Variants in MS4A15 observed in about 807,000 individuals in gnomAD.
MS4A15 encodes the protein membrane-spanning 4-domains subfamily A member 15.
MS4A15 carries 22 observed loss-of-function variants against 20.6 expected under a neutral mutation model. That is an observed-to-expected ratio of 1.07 (90% CI 0.76 to 1.52). MS4A15 has a LOEUF of 1.52. Ranked by LOEUF, MS4A15 falls within the 40% of genes most tolerant of loss-of-function variation. MS4A15 has a pLI of 0.00. For synonymous variants in MS4A15, 129 were observed against 129.3 expected (o/e 1.00, Z 0.02); for missense variants, 312 against 323.0 (o/e 0.97, Z 0.26).
At chr11:60,775,398 G>T (rs1854165495) in intron 6 of MS4A15, among the ~76,000 whole-genome samples, 2 of 152,144 alleles carry the variant, frequency 1.3e-5, no homozygotes, top group Admixed American at 1.3e-4. Context: ...TTTGTTCACT[G>T]CTGTACTCCC....
At position 60,767,550 on chromosome 11, in the gene MS4A15, C is replaced by T. The variant is rs990220278; in HGVS notation, c.243C>T (p.Ile81=). 3.2e-6 allele frequency: 5 copies of T among 1,547,260 alleles called. No individual in the cohort carries two copies. Among genetic ancestry groups the T allele is most frequent in the East Asian group, 2.4e-5 (1 of 40,824 alleles). ...PKVLGTVQIL[I]GLIHLGFGSV... is the part of the protein sequence containing the mutation. ...TCCCGCAGACGGTGCAGATCCTCAT[C>T]GGCCTCATCCACCTAGGCTTTGGCA... is the stretch of plus-strand genomic sequence containing the variant. Residue 81 remains isoleucine, a synonymous_variant, in exon 3 of 7, where the codon ATC becomes ATT. Transcript: ENST00000405633.
chr11:60,757,129 T>C (rs1853617405), intron 1 of MS4A15, 71 bp downstream of exon 1: 1 of 152,246 alleles, frequency 6.6e-6, no homozygotes, highest in Admixed American at 6.5e-5. Flanking sequence ...TGGATTATCA[T>C]GGGTCAAGAA....
rs923558625 is a variant in MS4A15 at position 60,767,579 on chromosome 11, T to A, written c.272T>A (p.Val91Glu). 6.4e-6 allele frequency: 10 copies of A among 1,555,320 alleles called. No homozygotes were observed. The African/African-American group carries it at 1.4e-4, about 21-fold the overall frequency. The change falls in exon 3 of 7, where the codon GTG (valine) becomes GAG (glutamate). Residue 91 changes from valine to glutamate, a missense_variant. By Grantham distance (121) the Val-to-Glu change is moderately radical. Transcript: ENST00000405633. Reference protein sequence around the residue: ...IGLIHLGFGSVLLMVRRGHVG... With the variant: ...IGLIHLGFGSELLMVRRGHVG... ...CTCATCCACCTAGGCTTTGGCAGCG[T>A]GCTGCTCATGGTTCGCCGCGGCCAC...
Position 60,775,708 on chromosome 11 carries a change from T to A in MS4A15, c.716T>A (p.Val239Asp), listed in dbSNP as rs547889273. The change falls in exon 7 of 7, where the codon GTC becomes GAC. Residue 239 changes from valine (V) to aspartate (D), a missense_variant. Transcript: ENST00000405633. ...GACAATGTGGCATATGCCCAAGGAG[T>A]CGTCTGAGTAGCAGATGTGGCACCT... ...AYDNVAYAQG[V>D]V The A allele has an allele frequency of 3.7e-6, 6 of 1,612,084 alleles. No individual in the cohort carries two copies. Among genetic ancestry groups the A allele is most frequent in the Admixed American group, 3.3e-5 (2 of 59,930 alleles).
At chr11:60,758,961 C>G (rs930269630) in intron 1 of MS4A15, among the ~76,000 whole-genome samples, 1 of 152,254 alleles carries the variant, frequency 6.6e-6, no homozygotes, top group Non-Finnish European at 1.5e-5. Flanking sequence ...ACAAACTTTT[C>G]CTCACCAAGA....
intron 1 of MS4A15, among the ~76,000 whole-genome samples, chr11:60,761,624 G>C (rs2134702412): frequency 6.6e-6 from 1 of 152,278 alleles, no homozygotes; most frequent in African/African-American, 2.4e-5. Flanking sequence ...CAGGCTTTCA[G>C]GACCAATATT....
At chr11:60,765,188 A>G (rs1252537301) in intron 2 of MS4A15, among the ~76,000 whole-genome samples, 1 of 152,156 alleles carries the variant, frequency 6.6e-6, no homozygotes, top group Non-Finnish European at 1.5e-5. Flanking sequence ...GCTGTTTGTC[A>G]TTAGCTGAAA....
In MS4A15 at chr11:60,773,779, G is replaced by A. The variant is rs139798953; in HGVS notation, c.499-58G>A. ...GACCTTGGGCAAGTGGTTCTCACTC[G>A]GGGGACCCCCTTACTCTAGAACTCT... On this transcript the variant is annotated intron_variant, in intron 5 of 6. Transcript: ENST00000405633. 1.2e-3 allele frequency: 1,819 copies of A among 1,475,396 alleles called. 17 individuals carry two copies. The East Asian group carries it at 0.017, about 14-fold the overall frequency. 91.4% of individuals were successfully genotyped at this position (1,475,396 alleles called of 1,614,324 possible). A position where few individuals can be genotyped will look rare whatever the true frequency, so the allele number is the denominator to read the frequency against.
intron 3 of MS4A15, among the ~76,000 whole-genome samples, chr11:60,769,222 C>T (rs186066405): frequency 5.1e-4 from 78 of 152,294 alleles, no homozygotes; most frequent in Non-Finnish European, 8.8e-4. Context: ...GTCGGGAGAT[C>T]CTGACAGGAC....
In MS4A15 at chr11:60,757,018, C is replaced by G. The variant is rs1261644930; in HGVS notation, c.-69C>G. 2.6e-5 allele frequency: 4 copies of G among 152,054 alleles called. No individual in the cohort carries two copies. The East Asian group carries it at 7.7e-4, about 29-fold the overall frequency. 9.4% of individuals were successfully genotyped at this position (152,054 alleles called of 1,614,324 possible). A position where few individuals can be genotyped will look rare whatever the true frequency, so the allele number is the denominator to read the frequency against. On this transcript the variant is annotated 5_prime_UTR_variant, in exon 1 of 7. Transcript: ENST00000405633. ...CCCCGACGTGATCGCCTTGAAGTTA[C>G]GCTTGAAGGAGGAAAACTCATCAAT...
chr11:60,764,005 C>T (rs1278038867), intron 2 of MS4A15, 47 bp downstream of exon 2: 1 of 1,515,482 alleles, frequency 6.6e-7, no homozygotes, highest in Non-Finnish European at 9.0e-7. Context: ...GTGAGTATCC[C>T]AGCACCGGAA....
chr11:60,769,951 G>A (rs531538951), intron 3 of MS4A15, among the ~76,000 whole-genome samples: 4 of 152,096 alleles, frequency 2.6e-5, no homozygotes, highest in East Asian at 1.9e-4. Flanking sequence ...CTGACCCTGC[G>A]GTCTCCCCAG....
intron 4 of MS4A15, 188 bp downstream of exon 4, chr11:60,771,535 CA>C: frequency 1.3e-6 from 2 of 1,533,442 alleles, no homozygotes; most frequent in Non-Finnish European, 1.7e-6. Flanking sequence ...GAGAAGAAGA[CA>C]GGGATACTCT....
chr11:60,757,943 A>G (rs1440784943), intron 1 of MS4A15, among the ~76,000 whole-genome samples: 1 of 152,208 alleles, frequency 6.6e-6, no homozygotes, highest in African/African-American at 2.4e-5. Flanking sequence ...TAAAGAGTTA[A>G]AGAAAAGTAT....
chr11:60,763,557 C>G, intron 1 of MS4A15, 149 bp from the exon 2 acceptor site: 1 of 650,006 alleles, frequency 1.5e-6, no homozygotes, highest in East Asian at 2.7e-5. Context: ...TTTCGCTTCT[C>G]TGAGTCTCAG....
intron 3 of MS4A15, among the ~76,000 whole-genome samples, chr11:60,769,553 G>A (rs1222835776): frequency 6.6e-6 from 1 of 152,060 alleles, no homozygotes; most frequent in Non-Finnish European, 1.5e-5. Flanking sequence ...CCAGAGAGCC[G>A]GATTCTAAAC....
chr11:60,774,904 C>G (rs996725595), intron 6 of MS4A15, among the ~76,000 whole-genome samples: 1 of 152,170 alleles, frequency 6.6e-6, no homozygotes, highest in South Asian at 2.1e-4. Context: ...TGTCCAGTGC[C>G]GGAAGGTGGA....
At chr11:60,775,480 C>T (rs7120524) in intron 6 of MS4A15, 125 bp from the exon 7 acceptor site, 275,111 of 710,048 alleles carry the variant, frequency 0.39, 57,445 homozygotes, top group Non-Finnish European at 0.45. Context: ...CCTGAGCATG[C>T]GATTCAGACT....
chr11:60,771,234 G>A (rs2134724444), intron 3 of MS4A15, 57 bp from the exon 4 acceptor site: 4 of 1,601,230 alleles, frequency 2.5e-6, no homozygotes, highest in Admixed American at 1.7e-5. Context: ...CCCAAGCAGG[G>A]TCTGCCCTGC....
Sources: allele counts gnomAD v4.1 joint callset (sites outside exome capture counted in the v4.1 genomes callset), GRCh38; gene constraint gnomAD v4.1.1; transcripts MANE v1.5; gene names NCBI Gene and HGNC (gene_info 2026-07-23, HGNC 2026-07-21).